Variants in WDR64 observed in about 807,000 individuals in gnomAD.
The protein encoded by WDR64 is WD repeat-containing protein 64.
In WDR64, 112 loss-of-function variants were observed where a neutral mutation model predicts 139.3. The ratio of observed to expected loss-of-function variants is 0.80; its 90% CI spans 0.69 to 0.94. WDR64 has a LOEUF of 0.94. Ranked by LOEUF, WDR64 falls within the 40% of genes least tolerant of loss-of-function variation. The pLI is 0.00. For synonymous variants in WDR64, 444 were observed against 437.7 expected (o/e 1.01, Z -0.18); for missense variants, 1,206 against 1,293.1 (o/e 0.93, Z 1.03).
At chr1:241,679,844 T>C (rs1466610037) in intron 6 of WDR64, among the ~76,000 whole-genome samples, 1 of 152,234 alleles carries the variant, frequency 6.6e-6, no homozygotes, top group Non-Finnish European at 1.5e-5. Flanking sequence ...AATTCCTTTC[T>C]TCTTTTATAC....
chr1:241,710,174 C>A (rs1313148441), intron 8 of WDR64, among the ~76,000 whole-genome samples: 3 of 152,122 alleles, frequency 2.0e-5, no homozygotes, highest in Non-Finnish European at 4.4e-5. Context: ...CCTCCCAGAC[C>A]TCCTTGTCTG....
At chr1:241,765,281 T>G (rs1479319597) in intron 15 of WDR64, among the ~76,000 whole-genome samples, 1 of 152,026 alleles carries the variant, frequency 6.6e-6, no homozygotes, top group Non-Finnish European at 1.5e-5. Flanking sequence ...GTCTAAGTAA[T>G]TAAATATATA....
intron 7 of WDR64, among the ~76,000 whole-genome samples, chr1:241,685,722 G>GC (rs752083165): frequency 9.9e-5 from 15 of 152,140 alleles, no homozygotes; most frequent in Non-Finnish European, 1.6e-4. Context: ...CCTAAGAATG[G>GC]TACAATAAAA....
rs1286278200 is a variant in WDR64 at position 241,802,353 on chromosome 1, A to AC, written c.*1138_*1139insC. On this transcript the variant is annotated 3_prime_UTR_variant, in exon 28 of 28. Transcript: ENST00000437684. ...TCTACAACAGGAAAGACTAACACTCAGTTTAAAAAATTAAAACAATGGTGG... is the reference window on the plus strand; with the variant it reads ...TCTACAACAGGAAAGACTAACACTCACGTTTAAAAAATTAAAACAATGGTGG... Among the ~76,000 whole-genome samples, 1 of 152,208 alleles carries AC rather than the reference A, an allele frequency of 6.6e-6. No individual in the cohort carries two copies. The highest frequency in any genetic ancestry group is 1.5e-5 in the Non-Finnish European group (1 of 68,012).
In WDR64 at chr1:241,787,896, G is replaced by A. The variant is rs143794967; in HGVS notation, c.2753G>A (p.Arg918Gln). The change falls in exon 24 of 28, where the codon CGA becomes CAA. Residue 918 changes from arginine to glutamine, a missense_variant. Transcript: ENST00000437684. Reference sequence around the variant, plus strand: ...CATTATTGTGGATATTTTGGACAGCGAAGGCTCTTTGAATTATCACAGACA... The same window carrying A: ...CATTATTGTGGATATTTTGGACAGCAAAGGCTCTTTGAATTATCACAGACA... ...NGHYCGYFGQ[R>Q]RLFELSQTRD... The A allele has an allele frequency of 2.7e-5, 44 of 1,611,550 alleles. No individual in the cohort carries two copies. In the Middle Eastern group the frequency reaches 4.9e-4, roughly 18 times the overall value.
chr1:241,667,236 T>C (rs6429287), intron 2 of WDR64, among the ~76,000 whole-genome samples: 81,040 of 152,040 alleles, frequency 0.53, 22,950 homozygotes, highest in Non-Finnish European at 0.64. Flanking sequence ...ACACATTCTC[T>C]GAAAATTATT....
chr1:241,747,374 T>C (rs979935187), intron 13 of WDR64, among the ~76,000 whole-genome samples: 14 of 152,208 alleles, frequency 9.2e-5, no homozygotes, highest in African/African-American at 1.4e-4. Context: ...GTTTTAGGAT[T>C]ATACCGTAGT....
At chr1:241,770,428 A>G (rs1305574507) in intron 17 of WDR64, 193 bp from the exon 18 acceptor site, 3 of 478,916 alleles carry the variant, frequency 6.3e-6, no homozygotes, top group Admixed American at 4.0e-5. Flanking sequence ...AGGCTCCCCA[A>G]GAGTCTCCAC....
At chr1:241,727,907 T>G (rs1301213499) in intron 10 of WDR64, among the ~76,000 whole-genome samples, 1 of 151,210 alleles carries the variant, frequency 6.6e-6, no homozygotes, top group Non-Finnish European at 1.5e-5. Flanking sequence ...AGAAAAGAAA[T>G]AGAAAACATA....
intron 11 of WDR64, among the ~76,000 whole-genome samples, chr1:241,739,335 T>A (rs1669447798): frequency 6.6e-6 from 1 of 152,188 alleles, no homozygotes. Context: ...TCCTAAGCAT[T>A]TTCCCACTGG....
rs74150493 is a variant in WDR64 at position 241,768,598 on chromosome 1, T to A, written c.2082-806T>A. ...TCAACAAGTCATCAAGCTTGTAGACTTCTCTTTTGAGCTTGGGTTCACTTT... is the reference window on the plus strand; with the variant it reads ...TCAACAAGTCATCAAGCTTGTAGACATCTCTTTTGAGCTTGGGTTCACTTT... On this transcript the variant is annotated intron_variant, in intron 16 of 27. Coordinates refer to ENST00000437684, the MANE Select transcript of WDR64 (RefSeq NM_001367482.1). Among the ~76,000 whole-genome samples, 645 of 152,376 alleles carry A rather than the reference T, an allele frequency of 4.2e-3. 7 individuals are homozygous for A. Among genetic ancestry groups the A allele is most frequent in the African/African-American group, 0.014 (593 of 41,604 alleles).
chr1:241,797,855 G>A (rs1201772564), intron 27 of WDR64, among the ~76,000 whole-genome samples: 2 of 151,352 alleles, frequency 1.3e-5, no homozygotes, highest in Admixed American at 1.3e-4. Flanking sequence ...GCACGACTCT[G>A]TGCATTAGGT....
chr1:241,663,535 C>A (rs1307320362), intron 2 of WDR64, among the ~76,000 whole-genome samples: 1 of 152,214 alleles, frequency 6.6e-6, no homozygotes, highest in Non-Finnish European at 1.5e-5. Flanking sequence ...GACTTGGCCC[C>A]TTTGGGGAGA....
intron 15 of WDR64, among the ~76,000 whole-genome samples, chr1:241,762,182 C>T (rs1657942185): frequency 6.7e-6 from 1 of 149,024 alleles, no homozygotes; most frequent in Non-Finnish European, 1.5e-5. Context: ...CAAAATTTCC[C>T]CTTGATCCAC....
At chr1:241,705,162 C>T (rs1425456252) in intron 8 of WDR64, among the ~76,000 whole-genome samples, 2 of 152,162 alleles carry the variant, frequency 1.3e-5, no homozygotes, top group East Asian at 3.9e-4. Flanking sequence ...CTCACAGGCT[C>T]ACCTTGGGCA....
chr1:241,702,414 TAAGTTAAC>T (rs1334537172), intron 8 of WDR64, among the ~76,000 whole-genome samples: 1 of 152,134 alleles, frequency 6.6e-6, no homozygotes, highest in African/African-American at 2.4e-5. Context: ...AAAAATTACT[TAAGTTAAC>T]TCACGTAAAG....
chr1:241,686,700 G>A (rs901202308), intron 7 of WDR64, among the ~76,000 whole-genome samples: 7 of 152,104 alleles, frequency 4.6e-5, no homozygotes, highest in African/African-American at 1.7e-4. Context: ...ACTCTGACAA[G>A]GAATATTATC....
intron 8 of WDR64, among the ~76,000 whole-genome samples, chr1:241,701,608 C>T (rs753122739): frequency 1.1e-4 from 17 of 152,164 alleles, no homozygotes; most frequent in Non-Finnish European, 1.9e-4. Context: ...GTAATGTATT[C>T]GTCTGAGAAG....
chr1:241,668,380 AT>A (rs1212629156), intron 2 of WDR64, among the ~76,000 whole-genome samples: 1 of 151,572 alleles, frequency 6.6e-6, no homozygotes, highest in Non-Finnish European at 1.5e-5. Context: ...TGGTGGCAGG[AT>A]TGTGGAAATA....
Sources: allele counts gnomAD v4.1 joint callset (sites outside exome capture counted in the v4.1 genomes callset), GRCh38; gene constraint gnomAD v4.1.1; transcripts MANE v1.5; gene names NCBI Gene and HGNC (gene_info 2026-07-23, HGNC 2026-07-21).